MATN3: variants seen among roughly 807,000 people sequenced by gnomAD.
MATN3 encodes matrilin 3, also known as matrilin-3.
In MATN3, 48 loss-of-function variants were observed where a neutral mutation model predicts 45.3. The ratio of observed to expected loss-of-function variants is 1.06; its 90% CI spans 0.84 to 1.35. The LOEUF (loss-of-function observed/expected upper bound fraction) is 1.35. Among genes scored for constraint, MATN3 ranks in the 40% most tolerant of loss-of-function variants. MATN3 has a pLI of 0.00. For missense variants in MATN3, 599 were observed against 628.0 expected (o/e 0.95, Z 0.49); for synonymous variants, 217 against 245.9 (o/e 0.88, Z 1.10).
chr2:19,996,289 C>T (rs1161018499), intron 6 of MATN3, among the ~76,000 whole-genome samples: 2 of 151,870 alleles, frequency 1.3e-5, no homozygotes, highest in African/African-American at 2.4e-5. Context: ...AAGTACAAGA[C>T]TTGTACACTG....
intron 1 of MATN3, among the ~76,000 whole-genome samples, chr2:20,011,675 A>G (rs1339735752): frequency 6.6e-6 from 1 of 152,346 alleles, no homozygotes; most frequent in East Asian, 1.9e-4. Flanking sequence ...GGCAGTGGAA[A>G]GAGACCTTGC....
intron 4 of MATN3, 39 bp downstream of exon 4, chr2:20,001,916 G>C: frequency 6.2e-7 from 1 of 1,600,050 alleles, no homozygotes; most frequent in Non-Finnish European, 8.5e-7. Context: ...GGTAGGCAGA[G>C]AGCTAAGTAG....
intron 5 of MATN3, among the ~76,000 whole-genome samples, 176 bp downstream of exon 5, chr2:20,000,265 A>G (rs535863649): frequency 2.0e-5 from 3 of 152,200 alleles, no homozygotes; most frequent in Non-Finnish European, 2.9e-5. Flanking sequence ...GAAGTAATCT[A>G]TGTTTGCTCC....
Position 20,003,196 on chromosome 2 carries a change from C to A in MATN3, c.881G>T (p.Gly294Val), listed in dbSNP as rs200304093. 6.2e-7 allele frequency: 1 copy of A among 1,613,952 alleles called. No homozygotes were observed. Among genetic ancestry groups the A allele is most frequent in the Admixed American group, 1.7e-5 (1 of 60,030 alleles). ...EGKHHCECSQGYTLNADKKTC... is the reference protein window; with the variant it reads ...EGKHHCECSQVYTLNADKKTC... ...TTTCTTGTCGGCATTCAAGGTGTAT[C>A]CTTGGCTACACTCACAGTGGTGCTT... is the stretch of plus-strand genomic sequence containing the variant. Residue 294 changes from glycine (G) to valine (V), a missense_variant, in exon 3 of 8, where the codon GGA (glycine) becomes GTA (valine). Coordinates refer to ENST00000407540, the MANE Select transcript of MATN3 (RefSeq NM_002381.5).
intron 5 of MATN3, among the ~76,000 whole-genome samples, chr2:19,999,519 T>C (rs993819418): frequency 1.3e-5 from 2 of 151,692 alleles, no homozygotes; most frequent in East Asian, 1.9e-4. Flanking sequence ...TTCACCCAGA[T>C]TTAACTTGCT....
chr2:20,007,382 A>G (rs1185389186), intron 1 of MATN3, among the ~76,000 whole-genome samples: 4 of 151,762 alleles, frequency 2.6e-5, no homozygotes, highest in Non-Finnish European at 5.9e-5. Flanking sequence ...TACAAAAATT[A>G]GCGGGTCGTA....
intron 1 of MATN3, among the ~76,000 whole-genome samples, chr2:20,010,555 T>C (rs1673202552): frequency 2.0e-5 from 3 of 152,114 alleles, no homozygotes; most frequent in African/African-American, 7.2e-5. Flanking sequence ...GGGAGGCAGA[T>C]GAAAGAAATG....
At chr2:19,997,280 A>G (rs747866405) in intron 5 of MATN3, 21 bp from the exon 6 acceptor site, 33 of 1,577,898 alleles carry the variant, frequency 2.1e-5, no homozygotes, top group Non-Finnish European at 2.6e-5. Context: ...GTGGTGCAGG[A>G]AAGAAAATAT....
At chr2:20,005,623 T>C (rs1673082360) in intron 2 of MATN3, 121 bp downstream of exon 2, 2 of 804,980 alleles carry the variant, frequency 2.5e-6, no homozygotes, top group African/African-American at 1.8e-5. Flanking sequence ...CACACACGCA[T>C]TGGATATATT....
intron 1 of MATN3, among the ~76,000 whole-genome samples, chr2:20,009,715 A>G (rs984495135): frequency 1.3e-5 from 2 of 152,194 alleles, no homozygotes; most frequent in African/African-American, 4.8e-5. Context: ...GGTAGCCACT[A>G]TAAGACTTCA....
chr2:19,992,749 C>G lies in MATN3; in HGVS notation c.*362G>C, dbSNP rs1035301803. On this transcript the variant is annotated 3_prime_UTR_variant, in exon 8 of 8. Transcript: ENST00000407540. ...ATATTATAAATACTATCAAAAGAAA[C>G]TAGACCTAAAGTTTCCATTGTGAAT... 1.4e-4 allele frequency: 29 copies of G among 208,426 alleles called. No homozygotes were observed. The highest frequency in any genetic ancestry group is 9.5e-6 in the Non-Finnish European group (1 of 105,516). The allele number at this position is 208,426 out of a possible 1,614,324, so 12.9% of individuals were successfully genotyped here.
chr2:19,993,272 A>G (rs1191041950), intron 7 of MATN3, 106 bp from the exon 8 acceptor site: 3 of 873,344 alleles, frequency 3.4e-6, no homozygotes, highest in Non-Finnish European at 5.3e-6. Context: ...ATGAGAAGTG[A>G]AAAAAAAGAG....
rs564045377 is a variant in MATN3 at position 20,010,012 on chromosome 2, T to C, written c.223+2397A>G. Among the ~76,000 whole-genome samples, 118 of 133,634 alleles carry C rather than the reference T, an allele frequency of 8.8e-4. 2 individuals are homozygous for C. The highest frequency in any genetic ancestry group is 1.1e-3 in the Non-Finnish European group (74 of 65,698). The allele number at this position is 133,634 out of a possible 152,430, so 87.7% of individuals were successfully genotyped here. Reference sequence around the variant, plus strand: ...CATGTACTCAGGACCTCTTGAGGGCTGTGTCACAGACCATGGTCACTCATG... The same window carrying C: ...CATGTACTCAGGACCTCTTGAGGGCCGTGTCACAGACCATGGTCACTCATG... On this transcript the variant is annotated intron_variant, in intron 1 of 7. Transcript: ENST00000407540.
intron 1 of MATN3, among the ~76,000 whole-genome samples, chr2:20,010,073 A>AAAAAAAAAAAAAAAAAAAAAAAC (rs1673190461): frequency 6.8e-6 from 1 of 146,266 alleles, no homozygotes. Flanking sequence ...ATACTAAAAA[A>AAAAAAAAAAAAAAAAAAAAAAAC]AAAAAAAAAA....
intron 2 of MATN3, among the ~76,000 whole-genome samples, chr2:20,003,506 A>T (rs1673031745): frequency 6.6e-6 from 1 of 152,244 alleles, no homozygotes; most frequent in Non-Finnish European, 1.5e-5. Context: ...TGCTATATAG[A>T]CTTTCTCAAG....
chr2:19,997,197 C>A lies in MATN3; in HGVS notation c.1231G>T (p.Ala411Ser). The A allele has an allele frequency of 6.2e-7, 1 of 1,613,490 alleles. No individual in the cohort carries two copies. The highest frequency in any genetic ancestry group is 8.5e-7 in the Non-Finnish European group (1 of 1,179,564). ...GGATAGCAATCACAGTGGTAGGATG[C>A]GGCCCCATCACTCACACAAATGTGC... ...CQHICVSDGA[A>S]SYHCDCYPGY... The change falls in exon 6 of 8, where the codon GCA becomes TCA. Residue 411 changes from alanine (A) to serine (S), a missense_variant. Coordinates refer to ENST00000407540, the MANE Select transcript of MATN3 (RefSeq NM_002381.5).
At chr2:20,005,590 G>A (rs747373453) in intron 2 of MATN3, among the ~76,000 whole-genome samples, 154 bp downstream of exon 2, 40 of 152,092 alleles carry the variant, frequency 2.6e-4, no homozygotes, top group Non-Finnish European at 5.4e-4. Context: ...TCGCACACAC[G>A]CGCGCATGCA....
chr2:19,993,119 G>T lies in MATN3; in HGVS notation c.1453C>A (p.His485Asn). The T allele has an allele frequency of 1.2e-6, 2 of 1,612,364 alleles. No individual in the cohort carries two copies. Among genetic ancestry groups the T allele is most frequent in the East Asian group, 2.2e-5 (1 of 44,788 alleles). Residue 485 changes from histidine (H) to asparagine (N), a missense_variant, in exon 8 of 8, where the codon CAT becomes AAT. Coordinates refer to ENST00000407540, the MANE Select transcript of MATN3 (RefSeq NM_002381.5). Reference sequence around the variant, plus strand: ...TGAGAAATTGGAGCAATTTAACGATGTATTTGTCCATATTCATTTATTTTC... The same window carrying T: ...TGAGAAATTGGAGCAATTTAACGATTTATTTGTCCATATTCATTTATTTTC... ...KLKINEYGQI[H>N]R
chr2:19,997,071 A>C, intron 6 of MATN3, 63 bp downstream of exon 6: 1 of 1,571,712 alleles, frequency 6.4e-7, no homozygotes, highest in Non-Finnish European at 8.7e-7. Context: ...GACAGAAAGA[A>C]AAAAGCTTGC....
Sources: allele counts gnomAD v4.1 joint callset (sites outside exome capture counted in the v4.1 genomes callset), GRCh38; gene constraint gnomAD v4.1.1; transcripts MANE v1.5; gene names NCBI Gene and HGNC (gene_info 2026-07-23, HGNC 2026-07-21).